The following GPATCH1 variants were observed in gnomAD, a reference collection of about 807,000 sequenced individuals.
GPATCH1 encodes G-patch domain containing 1.
In GPATCH1, 73 loss-of-function variants were observed where a neutral mutation model predicts 114.9. The ratio of observed to expected loss-of-function variants is 0.64; its 90% CI spans 0.53 to 0.77. The LOEUF is 0.77. Ranked by LOEUF, GPATCH1 falls within the 30% of genes least tolerant of loss-of-function variation. The pLI is 0.00. For missense variants in GPATCH1, 1,058 were observed against 1,144.3 expected, an observed-to-expected ratio of 0.92 and a Z score of 1.09; for synonymous variants, 391 against 428.4, an observed-to-expected ratio of 0.91 and a Z score of 1.08.
chr19:33,117,804 C>T (rs997355489), intron 15 of GPATCH1, 21 bp from the exon 16 acceptor site: 1 of 1,574,756 alleles, frequency 6.4e-7, no homozygotes, highest in Non-Finnish European at 8.7e-7. Flanking sequence ...ATCCCTGACT[C>T]TTATTTCACT....
intron 4 of GPATCH1, 66 bp downstream of exon 4, chr19:33,093,585 C>T (rs12460349): frequency 0.13 from 187,135 of 1,418,162 alleles, 18,999 homozygotes; most frequent in African/African-American, 0.42. Context: ...GATTCTCTTG[C>T]TGAGGGATAG....
chr19:33,091,920 C>A (rs531447277), intron 3 of GPATCH1, among the ~76,000 whole-genome samples: 1 of 152,284 alleles, frequency 6.6e-6, no homozygotes, highest in East Asian at 1.9e-4. Flanking sequence ...TCTCTCTTCT[C>A]AGTCTTCTGT....
intron 17 of GPATCH1, among the ~76,000 whole-genome samples, chr19:33,123,181 A>C (rs1973005008): frequency 6.6e-6 from 1 of 151,646 alleles, no homozygotes. Flanking sequence ...TGGGCGGATC[A>C]CCTGAGGTTG....
intron 17 of GPATCH1, among the ~76,000 whole-genome samples, chr19:33,119,488 A>G (rs1437058890): frequency 6.7e-6 from 1 of 149,828 alleles, no homozygotes; most frequent in Non-Finnish European, 1.5e-5. Context: ...TCACGAGGTC[A>G]AGAGATCGAG....
In GPATCH1 at chr19:33,102,330, C is replaced by T. The variant is rs543506690; in HGVS notation, c.1080+756C>T. Among the ~76,000 whole-genome samples the T allele has an allele frequency of 5.3e-5, 8 of 151,616 alleles. No individual in the cohort carries two copies. In the East Asian group the frequency reaches 7.7e-4, roughly 15 times the overall value. ...AGCTTGGGCGACAAGAGCAAAACTC[C>T]GTATCGAAAAGAAAAGAAAAGAAAT... On this transcript the variant is annotated intron_variant, in intron 9 of 19. Coordinates refer to ENST00000170564, the MANE Select transcript of GPATCH1 (RefSeq NM_018025.3).
At chr19:33,087,791 C>G (rs1302359754) in intron 1 of GPATCH1, among the ~76,000 whole-genome samples, 1 of 150,796 alleles carries the variant, frequency 6.6e-6, no homozygotes, top group African/African-American at 2.4e-5. Context: ...TCAAGCGATT[C>G]TCCTGCCTCA....
At chr19:33,102,249 T>C (rs62125280) in intron 9 of GPATCH1, among the ~76,000 whole-genome samples, 62,764 of 151,344 alleles carry the variant, frequency 0.41, 16,441 homozygotes, top group African/African-American at 0.73. Context: ...CAGGGAGAAT[T>C]GCTTGAACCT....
chr19:33,114,486 C>A, intron 15 of GPATCH1, 67 bp downstream of exon 15: 2 of 1,273,252 alleles, frequency 1.6e-6, no homozygotes, highest in Admixed American at 4.7e-5. Flanking sequence ...TTTGGTGACA[C>A]TTTCTCCTCG....
intron 1 of GPATCH1, among the ~76,000 whole-genome samples, chr19:33,087,777 G>C (rs902467478): frequency 2.7e-5 from 4 of 149,970 alleles, no homozygotes; most frequent in African/African-American, 9.8e-5. Flanking sequence ...TCCACCTCTC[G>C]GGTTCAAGCG....
intron 2 of GPATCH1, among the ~76,000 whole-genome samples, chr19:33,089,263 G>A (rs1337668823): frequency 6.6e-6 from 1 of 152,208 alleles, no homozygotes; most frequent in Non-Finnish European, 1.5e-5. Context: ...CCAAGGGTCA[G>A]AGAGGTTAAG....
chr19:33,125,020 T>C, intron 17 of GPATCH1, 85 bp from the exon 18 acceptor site: 1 of 1,420,040 alleles, frequency 7.0e-7, no homozygotes, highest in South Asian at 1.3e-5. Flanking sequence ...ACTAGATGCC[T>C]GATTCAGCAG....
intron 18 of GPATCH1, among the ~76,000 whole-genome samples, 192 bp downstream of exon 18, chr19:33,125,394 G>T (rs904645360): frequency 6.6e-6 from 1 of 150,730 alleles, no homozygotes; most frequent in Non-Finnish European, 1.5e-5. Flanking sequence ...GCACTTAAAC[G>T]CCCCCCCGCT....
chr19:33,126,140 G>A (rs1343689943), intron 18 of GPATCH1, among the ~76,000 whole-genome samples: 1 of 152,206 alleles, frequency 6.6e-6, no homozygotes. Context: ...AAATCTGTGT[G>A]TCCTTACCAG....
Position 33,117,853 on chromosome 19 carries a change from C to T in GPATCH1, c.2225C>T (p.Ala742Val). The T allele has an allele frequency of 6.2e-7, 1 of 1,613,708 alleles. No individual in the cohort carries two copies. Among genetic ancestry groups the T allele is most frequent in the Non-Finnish European group, 8.5e-7 (1 of 1,179,876 alleles). The stretch of plus-strand genomic sequence containing the variant: ...GTCAACAAAGATGTGGACGCACAGG[C>T]TGAAGGAGAAGGGAGCCGCCCATCC... ...QTVNKDVDAQ[A>V]EGEGSRPSMD... The change falls in exon 16 of 20, where the codon GCT becomes GTT. Residue 742 changes from alanine to valine, a missense_variant. Coordinates refer to ENST00000170564, the MANE Select transcript of GPATCH1 (RefSeq NM_018025.3).
rs1208480857 is a variant in GPATCH1, at chr19:33,127,858, G to GC, written c.2765+1130dup. 2.0e-5 allele frequency among the ~76,000 whole-genome samples: 3 copies of GC among 151,462 alleles called. No individual in the cohort carries two copies. The East Asian group carries it at 6.0e-4, about 30-fold the overall frequency. On this transcript the variant is annotated intron_variant, in intron 19 of 19. Coordinates refer to ENST00000170564, the MANE Select transcript of GPATCH1 (RefSeq NM_018025.3). ...CAAGCAACTGGGATTACAGGCACCC[G>GC]CCCCCACACCCAGCTAATTTTTGTA...
At chr19:33,121,674 C>T (rs1972986898) in intron 17 of GPATCH1, among the ~76,000 whole-genome samples, 1 of 152,150 alleles carries the variant, frequency 6.6e-6, no homozygotes, top group Admixed American at 6.6e-5. Context: ...ATGGTCCTCT[C>T]AGAAGTAAAT....
At chr19:33,088,385 C>T in intron 2 of GPATCH1, 117 bp downstream of exon 2, 1 of 771,098 alleles carries the variant, frequency 1.3e-6, no homozygotes, top group South Asian at 1.8e-5. Context: ...CGCTCTGTCG[C>T]CCAGGCTGGA....
At chr19:33,113,548 C>A (rs1972881327) in intron 13 of GPATCH1, 2 of 463,252 alleles carry the variant, frequency 4.3e-6, no homozygotes, top group Admixed American at 3.9e-5. Flanking sequence ...AATGGAAATC[C>A]ATTTTGAAAG....
At position 33,096,350 on chromosome 19, in the gene GPATCH1, A is replaced by G. The variant is rs996610359; in HGVS notation, c.756A>G (p.Gly252=). 1.9e-6 allele frequency: 3 copies of G among 1,614,134 alleles called. No homozygotes were observed. Among genetic ancestry groups the G allele is most frequent in the Non-Finnish European group, 2.5e-6 (3 of 1,179,984 alleles). The change falls in exon 7 of 20, where the codon GGA becomes GGG. Residue 252 remains glycine (G), a synonymous_variant. Coordinates refer to ENST00000170564, the MANE Select transcript of GPATCH1 (RefSeq NM_018025.3). ...ACCAGGCACTGTTTGGAACTTCGGG[A>G]GAACATTTTAATCTTTTCAGTGGTG... ...DPHQALFGTS[G]EHFNLFSGGS...
Sources: gnomAD v4.1 joint callset for allele counts (sites outside exome capture counted in the v4.1 genomes callset) on GRCh38, gnomAD v4.1.1 for gene constraint, MANE v1.5 for transcripts, NCBI Gene and HGNC (gene_info 2026-07-23, HGNC 2026-07-21) for gene names.